Variants in IGDCC4 observed in about 807,000 individuals in gnomAD.
IGDCC4 encodes the protein likely ortholog of mouse neighbor of Punc E11.
A neutral mutation model predicts 116.6 loss-of-function variants in IGDCC4; 72 were observed. The observed-to-expected ratio is 0.62, with a 90% CI of 0.51 to 0.75. The LOEUF (loss-of-function observed/expected upper bound fraction) is 0.75, where lower values mean the gene tolerates loss of function less well. Ranked by LOEUF, IGDCC4 falls within the 30% of genes least tolerant of loss-of-function variation. The pLI, the probability that IGDCC4 is intolerant of heterozygous loss-of-function variation, is 0.00. For synonymous variants in IGDCC4, 709 were observed against 719.9 expected, an observed-to-expected ratio of 0.98 and a Z score of 0.24; for missense variants, 1,501 against 1,662.4, an observed-to-expected ratio of 0.90 and a Z score of 1.69.
At chr15:65,413,592 G>T (rs777657005) in intron 1 of IGDCC4, among the ~76,000 whole-genome samples, 4 of 152,178 alleles carry the variant, frequency 2.6e-5, no homozygotes, top group Non-Finnish European at 5.9e-5. Flanking sequence ...CAAATGGTTG[G>T]TTCTCCCTGT....
chr15:65,388,962 TG>T lies in IGDCC4; in HGVS notation c.2552del (p.Pro851HisfsTer6). The T allele has an allele frequency of 6.2e-7, 1 of 1,600,818 alleles. No homozygotes were observed. ...TCAGGGGGCTCAGTCGCAGGTCGGA[TG>T]GGGGTGTGGAGGGCCCTGGGGTGCG... ...STLPDRPSTP[P>X]SDLRLSPLTP... On this transcript the variant is annotated frameshift_variant, in exon 15 of 20. Transcript: ENST00000352385. LOFTEE classifies it high-confidence loss of function.
chr15:65,408,827 G>A (rs996970292), intron 3 of IGDCC4, among the ~76,000 whole-genome samples: 5 of 147,238 alleles, frequency 3.4e-5, no homozygotes, highest in African/African-American at 5.0e-5. Context: ...AAGTCAACAG[G>A]ATGTCTCTCT....
intron 1 of IGDCC4, among the ~76,000 whole-genome samples, chr15:65,414,768 T>C (rs1489527039): frequency 2.6e-5 from 4 of 152,198 alleles, no homozygotes; most frequent in Non-Finnish European, 4.4e-5. Context: ...CAGCCTCCTA[T>C]GTAGCTGGGA....
Position 65,422,710 on chromosome 15 carries a change from A to G in IGDCC4, c.70+83T>C, listed in dbSNP as rs2063204726. Reference sequence around the variant, plus strand: ...CTTGCTCGGGACTCCGGCTTGAGCCAGCCCCGCAGCCCGATGCAGACCAGG... The same window carrying G: ...CTTGCTCGGGACTCCGGCTTGAGCCGGCCCCGCAGCCCGATGCAGACCAGG... On this transcript the variant is annotated intron_variant, in intron 1 of 19. Transcript: ENST00000352385. 5 of 1,117,738 alleles carry G rather than the reference A, an allele frequency of 4.5e-6. No homozygotes were observed. In the East Asian group the frequency reaches 1.8e-4, roughly 41 times the overall value. The allele number at this position is 1,117,738 out of a possible 1,614,324, so 69.2% of individuals were successfully genotyped here.
chr15:65,396,365 A>C, intron 6 of IGDCC4: 1 of 668,282 alleles, frequency 1.5e-6, no homozygotes, highest in Non-Finnish European at 2.7e-6. Context: ...CCAGCCCCAC[A>C]ACGACCATTC....
At position 65,410,373 on chromosome 15, in the gene IGDCC4, A is replaced by C. The variant is rs913276511; in HGVS notation, c.422-54T>G. ...GGGAAAAGAATAGGAGAGAGAAGCC[A>C]CAGCAAGCACAAACAGTGAAACACA... On this transcript the variant is annotated intron_variant, in intron 2 of 19. Coordinates refer to ENST00000352385, the MANE Select transcript of IGDCC4 (RefSeq NM_020962.3). 5 of 1,603,728 alleles carry C rather than the reference A, an allele frequency of 3.1e-6. No individual in the cohort carries two copies. In the African/African-American group the frequency reaches 4.0e-5, roughly 13 times the overall value.
chr15:65,387,343 T>TTTTTTGTTTTTG, intron 16 of IGDCC4, among the ~76,000 whole-genome samples: 1 of 151,350 alleles, frequency 6.6e-6, no homozygotes, highest in South Asian at 2.1e-4. Context: ...ACCTCTAGCT[T>TTTTTTGTTTTTG]TTTTTGTTTT....
intron 6 of IGDCC4, chr15:65,396,519 C>A: frequency 1.8e-6 from 1 of 565,768 alleles, no homozygotes. Flanking sequence ...CTACCCTGCC[C>A]CCCAGTTTTC....
intron 5 of IGDCC4, among the ~76,000 whole-genome samples, chr15:65,397,820 C>G (rs1472003979): frequency 6.6e-6 from 1 of 152,174 alleles, no homozygotes; most frequent in Non-Finnish European, 1.5e-5. Context: ...TTATGTGTAC[C>G]TGTCCTAGGA....
intron 5 of IGDCC4, among the ~76,000 whole-genome samples, chr15:65,400,480 C>T (rs866225166): frequency 2.0e-5 from 3 of 152,184 alleles, no homozygotes; most frequent in African/African-American, 7.2e-5. Context: ...CTTGTAACAC[C>T]GTTGTGAGGA....
chr15:65,413,500 G>C (rs751794252), intron 1 of IGDCC4, among the ~76,000 whole-genome samples: 2 of 152,182 alleles, frequency 1.3e-5, no homozygotes, highest in Non-Finnish European at 2.9e-5. Flanking sequence ...TGCCATCCCA[G>C]GGTCAAGGCA....
rs2062996277 is a variant in IGDCC4, at chr15:65,402,406, G to A, written c.645C>T (p.Thr215=). 1.1e-5 allele frequency: 17 copies of A among 1,571,780 alleles called. No individual in the cohort carries two copies. In the Middle Eastern group the frequency reaches 1.3e-3, roughly 123 times the overall value. Residue 215 remains threonine, a synonymous_variant, in exon 4 of 20, where the codon ACC becomes ACT. Coordinates refer to ENST00000352385, the MANE Select transcript of IGDCC4 (RefSeq NM_020962.3). ...GGCTGAAGTGCTGGCGAGCTGAGTTGGTGGCCACGCAGCGGTAGGGGCCTG... is the reference window on the plus strand; with the variant it reads ...GGCTGAAGTGCTGGCGAGCTGAGTTAGTGGCCACGCAGCGGTAGGGGCCTG... ...SDAGPYRCVA[T]NSARQHFSQE... is the part of the protein sequence containing the mutation.
At chr15:65,399,281 C>G (rs559248491) in intron 5 of IGDCC4, among the ~76,000 whole-genome samples, 37 of 151,922 alleles carry the variant, frequency 2.4e-4, no homozygotes, top group African/African-American at 8.9e-4. Context: ...GACCTGCCTG[C>G]GCAACATCTA....
intron 4 of IGDCC4, 25 bp downstream of exon 4, chr15:65,402,326 T>C (rs1378617121): frequency 1.9e-6 from 3 of 1,554,650 alleles, no homozygotes; most frequent in Non-Finnish European, 2.6e-6. Flanking sequence ...ACCCCCAGGT[T>C]TCCCCACCCA....
chr15:65,410,758 G>T (rs113070227), intron 2 of IGDCC4: 4 of 523,284 alleles, frequency 7.6e-6, no homozygotes, highest in Non-Finnish European at 3.4e-6. Context: ...CTGGAGGACA[G>T]CACAAGCCCA....
chr15:65,405,066 C>T (rs573854759), intron 3 of IGDCC4, among the ~76,000 whole-genome samples: 1 of 140,444 alleles, frequency 7.1e-6, no homozygotes, highest in East Asian at 2.1e-4. Flanking sequence ...AAATCTTTTG[C>T]TTTGCTAAAA....
chr15:65,413,327 T>C (rs1313035862), intron 1 of IGDCC4, among the ~76,000 whole-genome samples: 1 of 152,102 alleles, frequency 6.6e-6, no homozygotes, highest in Non-Finnish European at 1.5e-5. Context: ...CAACACTCCC[T>C]GCAGCTAATT....
Position 65,422,931 on chromosome 15 carries a change from G to C in IGDCC4, c.-69C>G. ...CTTCGGCCGCCGCCGCGGGGGGAGA[G>C]CGCGCCGGGCGTCAGTGGCCCGGGG... On this transcript the variant is annotated 5_prime_UTR_variant, in exon 1 of 20. Transcript: ENST00000352385. The C allele has an allele frequency of 1.1e-6, 1 of 951,386 alleles. No individual in the cohort carries two copies. The highest frequency in any genetic ancestry group is 4.7e-5 in the South Asian group (1 of 21,208). The allele number at this position is 951,386 out of a possible 1,614,324, so 58.9% of individuals were successfully genotyped here.
rs1266553050 is a variant in IGDCC4 at position 65,384,677 on chromosome 15, G to A, written c.3343-258C>T. 1.3e-5 allele frequency among the ~76,000 whole-genome samples: 2 copies of A among 152,122 alleles called. No individual in the cohort carries two copies. Among genetic ancestry groups the A allele is most frequent in the African/African-American group, 2.4e-5 (1 of 41,400 alleles). ...CTGGGGACAGGAGGAAGGGCTGAGC[G>A]TACTCAGGCCAGCCACACCCTCAGA... On this transcript the variant is annotated intron_variant, in intron 19 of 19. Coordinates refer to ENST00000352385, the MANE Select transcript of IGDCC4 (RefSeq NM_020962.3). This position sits in a 1 kb window ranked among gnomAD's most constrained non-coding sequence, Gnocchi z 4.9.
Sources: gnomAD v4.1 joint callset for allele counts (sites outside exome capture counted in the v4.1 genomes callset) on GRCh38, gnomAD v4.1.1 for gene constraint, Gnocchi (gnomAD v3.1) non-coding constraint, MANE v1.5 for transcripts, NCBI Gene and HGNC (gene_info 2026-07-23, HGNC 2026-07-21) for gene names.